Variants in DBNDD1 observed in about 807,000 individuals in gnomAD.
DBNDD1 encodes dysbindin domain containing 1.
In DBNDD1, 14 loss-of-function variants were observed where a neutral mutation model predicts 17.0. That is an observed-to-expected ratio of 0.82 (90% confidence interval 0.54 to 1.29). The LOEUF (loss-of-function observed/expected upper bound fraction) is 1.29. Ranked by LOEUF, DBNDD1 falls within the 50% of genes most tolerant of loss-of-function variation. The probability of loss-of-function intolerance (pLI) is 0.00; values close to 1 mark genes in which losing one functional copy is unlikely to be tolerated. For missense variants in DBNDD1, 221 were observed against 216.2 expected (o/e 1.02, Z -0.14); for synonymous variants, 105 against 102.0 (o/e 1.03, Z -0.18).
At chr16:90,014,420 G>C (rs12920128) in intron 1 of DBNDD1, among the ~76,000 whole-genome samples, 119,536 of 151,970 alleles carry the variant, frequency 0.79, 47,547 homozygotes, top group Non-Finnish European at 0.86. Context: ...CCACCGTGCC[G>C]GGCCAATACC....
At chr16:90,008,738 AG>A in intron 3 of DBNDD1, 45 bp downstream of exon 3, 1 of 1,567,164 alleles carries the variant, frequency 6.4e-7, no homozygotes, top group Non-Finnish European at 8.7e-7. Flanking sequence ...AAGGGGCCTC[AG>A]CCCACCAGGC....
chr16:90,016,272 C>T lies in DBNDD1; in HGVS notation c.31+3039G>A, dbSNP rs116338110. Reference sequence around the variant, plus strand: ...AAATGAGGGTGAATCAACTAGCCCACGGTTAGTGAGGGACTGCGCTAGGAA... The same window carrying T: ...AAATGAGGGTGAATCAACTAGCCCATGGTTAGTGAGGGACTGCGCTAGGAA... On this transcript the variant is annotated intron_variant, in intron 1 of 3. Transcript: ENST00000002501. 2.6e-3 allele frequency among the ~76,000 whole-genome samples: 397 copies of T among 152,286 alleles called. 3 individuals carry two copies. The highest frequency in any genetic ancestry group is 9.2e-3 in the African/African-American group (381 of 41,556).
intron 1 of DBNDD1, among the ~76,000 whole-genome samples, chr16:90,013,611 T>TG (rs2035592280): frequency 6.6e-6 from 1 of 152,142 alleles, no homozygotes; most frequent in African/African-American, 2.4e-5. Context: ...GGTCCTGACC[T>TG]GGGGGGACGT....
In DBNDD1 at chr16:90,019,295, CT is replaced by C; in HGVS notation, c.31+15del. 8.3e-7 allele frequency: 1 copy of C among 1,210,112 alleles called. No homozygotes were observed. The allele number at this position is 1,210,112 out of a possible 1,614,324, so 75.0% of individuals were successfully genotyped here. On this transcript the variant is annotated intron_variant, in intron 1 of 3. Transcript: ENST00000002501. The surrounding 1 kb of genome is among the most constrained non-coding windows in gnomAD (Gnocchi z 6.1). Reference sequence around the variant, plus strand: ...AAGCGCTGCGCGGGGGTCTCGGGGGCTGGGGCTGAACTCACCTCCGGTGCCG... The same window carrying C: ...AAGCGCTGCGCGGGGGTCTCGGGGGCGGGGCTGAACTCACCTCCGGTGCCG...
rs1356860469 is a variant in DBNDD1, at chr16:90,006,168, C to CT, written c.*166_*167insA. ...GAGGCGAAGACCCGTGCCCAGCAGA[C>CT]AAGGCCGGTCTCGGGGCTGGCAGAG... is the stretch of plus-strand genomic sequence containing the variant. On this transcript the variant is annotated 3_prime_UTR_variant, in exon 4 of 4. Coordinates refer to ENST00000002501, the MANE Select transcript of DBNDD1 (RefSeq NM_001042610.3). The CT allele has an allele frequency of 9.8e-7, 1 of 1,021,732 alleles. No homozygotes were observed. The highest frequency in any genetic ancestry group is 1.4e-6 in the Non-Finnish European group (1 of 723,008). The allele number at this position is 1,021,732 out of a possible 1,614,324, so 63.3% of individuals were successfully genotyped here. A position where few individuals can be genotyped will look rare whatever the true frequency, so the allele number is the denominator to read the frequency against.
rs776038712 is a variant in DBNDD1, at chr16:90,008,859, C to T, written c.244G>A (p.Asp82Asn). 2.5e-5 allele frequency: 40 copies of T among 1,602,604 alleles called. No homozygotes were observed. In the Admixed American group the frequency reaches 2.5e-4, roughly 10 times the overall value. The stretch of plus-strand genomic sequence containing the variant: ...TCGGCCAGCTCCTGGTCCGACATGT[C>T]GGTGAGCTCAGTGAGGTCCAGGAGG... The part of the protein sequence containing the change: ...FDLLDLTELT[D>N]MSDQELAEVF... The change falls in exon 3 of 4, where the codon GAC becomes AAC. Residue 82 changes from aspartate to asparagine, a missense_variant. Asp to Asn is a conservative substitution (Grantham distance 23). Transcript: ENST00000002501.
intron 1 of DBNDD1, chr16:90,009,844 T>G: frequency 8.8e-6 from 9 of 1,017,168 alleles, no homozygotes; most frequent in Non-Finnish European, 1.3e-5. Flanking sequence ...AGCCTCTTGG[T>G]CCCCTTCAAA....
chr16:90,008,091 C>T (rs1417019979), intron 3 of DBNDD1, among the ~76,000 whole-genome samples: 2 of 128,454 alleles, frequency 1.6e-5, no homozygotes, highest in African/African-American at 5.8e-5. Flanking sequence ...GGCCTCAGCC[C>T]ACCACACACA....
intron 1 of DBNDD1, among the ~76,000 whole-genome samples, chr16:90,012,106 C>G (rs542325916): frequency 6.6e-6 from 1 of 152,222 alleles, no homozygotes; most frequent in Non-Finnish European, 1.5e-5. Context: ...GTCCTAGCCT[C>G]GAGTCTCAGG....
intron 1 of DBNDD1, among the ~76,000 whole-genome samples, chr16:90,016,164 C>T (rs550017218): frequency 4.9e-4 from 74 of 152,204 alleles, no homozygotes; most frequent in African/African-American, 1.7e-3. Flanking sequence ...CTGGGTAGAG[C>T]GAGAAGCATC....
chr16:90,011,049 G>C (rs1597580601), intron 1 of DBNDD1, among the ~76,000 whole-genome samples: 1 of 152,248 alleles, frequency 6.6e-6, no homozygotes, highest in African/African-American at 2.4e-5. Context: ...CCTCCCACCT[G>C]AGTGGGTGCC....
rs569616763 is a variant in DBNDD1, at chr16:90,013,035, C to T, written c.32-3605G>A. ...TGGCAGCCCCCTAATATCAAGGAAACCTGGGGCCAGAGTAGTTCTGCAGAG... is the reference window on the plus strand; with the variant it reads ...TGGCAGCCCCCTAATATCAAGGAAATCTGGGGCCAGAGTAGTTCTGCAGAG... On this transcript the variant is annotated intron_variant, in intron 1 of 3. Transcript: ENST00000002501. Among the ~76,000 whole-genome samples, 5 of 151,876 alleles carry T rather than the reference C, an allele frequency of 3.3e-5. No homozygotes were observed. The East Asian group carries it at 5.8e-4, about 18-fold the overall frequency.
upstream of DBNDD1, chr16:90,019,794 T>A (rs1459339759): frequency 1.5e-6 from 1 of 688,420 alleles, no homozygotes; most frequent in Non-Finnish European, 2.6e-6. The surrounding 1 kb of genome is among the most constrained non-coding windows in gnomAD (Gnocchi z 6.1). Context: ...GCGCCGACTG[T>A]GTGCGGGCGC....
In DBNDD1 at chr16:90,008,856, T is replaced by C. The variant is rs768321470; in HGVS notation, c.247A>G (p.Met83Val). The C allele has an allele frequency of 7.5e-6, 12 of 1,603,378 alleles. No homozygotes were observed. Among genetic ancestry groups the C allele is most frequent in the Non-Finnish European group, 1.0e-5 (12 of 1,173,368 alleles). The change falls in exon 3 of 4, where the codon ATG becomes GTG. Residue 83 changes from methionine (M) to valine (V), a missense_variant. Physicochemically the swap from Met to Val is conservative, Grantham distance 21. Coordinates refer to ENST00000002501, the MANE Select transcript of DBNDD1 (RefSeq NM_001042610.3). ...DLLDLTELTDMSDQELAEVFA... is the reference protein window; with the variant it reads ...DLLDLTELTDVSDQELAEVFA... ...ACCTCGGCCAGCTCCTGGTCCGACA[T>C]GTCGGTGAGCTCAGTGAGGTCCAGG...
At position 90,008,855 on chromosome 16, in the gene DBNDD1, A is replaced by C. The variant is rs760098767; in HGVS notation, c.248T>G (p.Met83Arg). Residue 83 changes from methionine to arginine, a missense_variant, in exon 3 of 4, where the codon ATG becomes AGG. Transcript: ENST00000002501. Reference protein sequence around the residue: ...DLLDLTELTDMSDQELAEVFA... With the variant: ...DLLDLTELTDRSDQELAEVFA... ...GACCTCGGCCAGCTCCTGGTCCGACATGTCGGTGAGCTCAGTGAGGTCCAG... is the reference window on the plus strand; with the variant it reads ...GACCTCGGCCAGCTCCTGGTCCGACCTGTCGGTGAGCTCAGTGAGGTCCAG... The C allele has an allele frequency of 6.2e-7, 1 of 1,603,348 alleles. No individual in the cohort carries two copies. Among genetic ancestry groups the C allele is most frequent in the Non-Finnish European group, 8.5e-7 (1 of 1,173,456 alleles).
chr16:90,015,842 G>C (rs1272699888), intron 1 of DBNDD1, among the ~76,000 whole-genome samples: 1 of 152,124 alleles, frequency 6.6e-6, no homozygotes, highest in African/African-American at 2.4e-5. Flanking sequence ...TCAGAGGCTG[G>C]GGGGTGGGCA....
In DBNDD1 at chr16:90,006,103, G is replaced by T. The variant is rs1379088938; in HGVS notation, c.*232C>A. 1.5e-5 allele frequency: 9 copies of T among 582,484 alleles called. No individual in the cohort carries two copies. Among genetic ancestry groups the T allele is most frequent in the South Asian group, 5.0e-5 (2 of 39,664 alleles). The allele number at this position is 582,484 out of a possible 1,614,324, so 36.1% of individuals were successfully genotyped here. A position where few individuals can be genotyped will look rare whatever the true frequency, so the allele number is the denominator to read the frequency against. On this transcript the variant is annotated 3_prime_UTR_variant, in exon 4 of 4. Coordinates refer to ENST00000002501, the MANE Select transcript of DBNDD1 (RefSeq NM_001042610.3). Reference sequence around the variant, plus strand: ...CTGGGGCTCCCAGAGGCATCCGGGGGCCCCGTGTGTCCCCCAGGAAAGCCG... The same window carrying T: ...CTGGGGCTCCCAGAGGCATCCGGGGTCCCCGTGTGTCCCCCAGGAAAGCCG...
chr16:90,013,262 T>TAAA (rs59831191), intron 1 of DBNDD1, among the ~76,000 whole-genome samples: 8,846 of 49,050 alleles, frequency 0.18, 2,294 homozygotes, highest in African/African-American at 0.31. Context: ...AACCTTGCCT[T>TAAA]AAAAAAAAAA....
At chr16:90,006,680 G>T in intron 3 of DBNDD1, 188 bp from the exon 4 acceptor site, 1 of 769,036 alleles carries the variant, frequency 1.3e-6, no homozygotes, top group Non-Finnish European at 2.0e-6. Context: ...CAGAGAGGTG[G>T]ATGTTGTGGT....
Sources: allele counts gnomAD v4.1 joint callset (sites outside exome capture counted in the v4.1 genomes callset), GRCh38; gene constraint gnomAD v4.1.1; non-coding constraint Gnocchi (gnomAD v3.1); transcripts MANE v1.5; gene names NCBI Gene and HGNC (gene_info 2026-07-23, HGNC 2026-07-21).